Variants in STK32B observed in about 807,000 individuals in gnomAD.
STK32B encodes serine/threonine kinase 32B, also known as serine/threonine-protein kinase 32B.
STK32B carries 43 observed loss-of-function variants against 52.6 expected under a neutral mutation model. The observed-to-expected ratio is 0.82, with a 90% CI of 0.64 to 1.05. STK32B has a LOEUF of 1.05. Among genes scored for constraint, STK32B ranks in the 50% least tolerant of loss-of-function variants. STK32B has a pLI of 0.00. For missense variants in STK32B, 621 were observed against 534.6 expected (o/e 1.16, Z -1.59); for synonymous variants, 238 against 204.3 (o/e 1.17, Z -1.41).
intron 3 of STK32B, among the ~76,000 whole-genome samples, chr4:5,282,076 C>T (rs1399654766): frequency 6.6e-6 from 1 of 152,020 alleles, no homozygotes; most frequent in Non-Finnish European, 1.5e-5. Flanking sequence ...ACTAACATAT[C>T]CATCACCTCA....
At position 5,399,290 on chromosome 4, in the gene STK32B, G is replaced by T. The variant is rs115095710; in HGVS notation, c.472+1046G>T. 6.6e-6 allele frequency among the ~76,000 whole-genome samples: 1 copy of T among 152,068 alleles called. No individual in the cohort carries two copies. Among genetic ancestry groups the T allele is most frequent in the Non-Finnish European group, 1.5e-5 (1 of 68,012 alleles). Reference sequence around the variant, plus strand: ...GGGATGAATGAGTCACATTTTCTACGCAGCTCCCCCACCCTCCTTCCCCAC... The same window carrying T: ...GGGATGAATGAGTCACATTTTCTACTCAGCTCCCCCACCCTCCTTCCCCAC... On this transcript the variant is annotated intron_variant, in intron 5 of 11. Transcript: ENST00000282908. The surrounding 1 kb of genome is among the most constrained non-coding windows in gnomAD (Gnocchi z 5.4).
chr4:5,060,545 A>C (rs181083492), intron 1 of STK32B, among the ~76,000 whole-genome samples: 1 of 151,866 alleles, frequency 6.6e-6, no homozygotes. Context: ...GGTTTAATTT[A>C]CTGTTCTTTT....
chr4:5,080,247 C>T (rs1712335328), intron 1 of STK32B, among the ~76,000 whole-genome samples: 1 of 152,164 alleles, frequency 6.6e-6, no homozygotes, highest in African/African-American at 2.4e-5. Flanking sequence ...CTCTCAGACA[C>T]CATCGTCTTC....
At chr4:5,073,955 C>G (rs1003766595) in intron 1 of STK32B, among the ~76,000 whole-genome samples, 1 of 151,458 alleles carries the variant, frequency 6.6e-6, no homozygotes, top group Non-Finnish European at 1.5e-5. Flanking sequence ...TCCTTTTATT[C>G]TTCTTAGGGT....
intron 6 of STK32B, among the ~76,000 whole-genome samples, chr4:5,440,192 G>C (rs1052558109): frequency 2.0e-5 from 3 of 152,088 alleles, no homozygotes; most frequent in African/African-American, 4.8e-5. Flanking sequence ...AACTACCTTG[G>C]GCAGTATGGC....
At chr4:5,072,855 A>C (rs1288481646) in intron 1 of STK32B, among the ~76,000 whole-genome samples, 1 of 152,064 alleles carries the variant, frequency 6.6e-6, no homozygotes, top group African/African-American at 2.4e-5. Context: ...ATTATATTTA[A>C]TTTTGTCAGT....
At chr4:5,474,788 T>A (rs573690984) in intron 11 of STK32B, among the ~76,000 whole-genome samples, 2 of 152,330 alleles carry the variant, frequency 1.3e-5, no homozygotes, top group African/African-American at 4.8e-5. Context: ...TCCGTAGGTA[T>A]TTTTATTCCC....
At chr4:5,028,904 C>T in the STK32B span, among the ~76,000 whole-genome samples, 3 of 152,198 alleles carry the variant, frequency 2.0e-5, no homozygotes, top group Non-Finnish European at 4.4e-5. Context: ...GCCATCTGCT[C>T]AGCCTCAGGA....
intron 6 of STK32B, among the ~76,000 whole-genome samples, chr4:5,424,012 C>G (rs1356501056): frequency 6.6e-6 from 1 of 152,114 alleles, no homozygotes; most frequent in Non-Finnish European, 1.5e-5. Context: ...CCACTCCCCC[C>G]GTAGGCTCAG....
intron 1 of STK32B, chr4:5,126,984 C>G: frequency 2.3e-6 from 1 of 426,040 alleles, no homozygotes; most frequent in Non-Finnish European, 4.8e-6. Context: ...CTGTCTATTC[C>G]CTCTCCTTTT....
At chr4:5,416,712 A>G (rs1577468014) in intron 5 of STK32B, 133 bp from the exon 6 acceptor site, 2 of 623,156 alleles carry the variant, frequency 3.2e-6, no homozygotes, top group Non-Finnish European at 5.4e-6. Flanking sequence ...TTTTTAAAGT[A>G]TCAGATACGA....
chr4:5,244,397 G>A (rs904004485), intron 3 of STK32B, among the ~76,000 whole-genome samples: 1 of 152,142 alleles, frequency 6.6e-6, no homozygotes, highest in African/African-American at 2.4e-5. Context: ...ATGGTAGTTT[G>A]TATTTCTGTG....
At chr4:5,021,936 G>A in the STK32B span, among the ~76,000 whole-genome samples, 2 of 152,068 alleles carry the variant, frequency 1.3e-5, no homozygotes, top group Non-Finnish European at 2.9e-5. Flanking sequence ...CAAGAGAATC[G>A]CCACCTCTCA....
chr4:5,311,930 T>C (rs187198511), intron 3 of STK32B, among the ~76,000 whole-genome samples: 1 of 148,458 alleles, frequency 6.7e-6, no homozygotes, highest in Admixed American at 6.7e-5. Flanking sequence ...TTTTAAAGTT[T>C]ATTCTTATTT....
intron 3 of STK32B, among the ~76,000 whole-genome samples, chr4:5,181,501 C>T (rs1376464504): frequency 6.6e-6 from 1 of 152,106 alleles, no homozygotes; most frequent in Admixed American, 6.5e-5. Context: ...TGTATGGTAA[C>T]CTAAGGTGAC....
intron 6 of STK32B, among the ~76,000 whole-genome samples, chr4:5,420,287 T>G (rs1712512803): frequency 6.6e-6 from 1 of 152,182 alleles, no homozygotes; most frequent in Admixed American, 6.5e-5. Flanking sequence ...ATAAGTAGTC[T>G]TCATGGGAGC....
At chr4:5,104,110 AC>A (rs1039868953) in intron 1 of STK32B, among the ~76,000 whole-genome samples, 8 of 152,058 alleles carry the variant, frequency 5.3e-5, no homozygotes, top group African/African-American at 1.9e-4. Context: ...CTGTGTCCCC[AC>A]CCAAATTTCA....
chr4:5,452,201 C>G (rs1167124029), intron 7 of STK32B, among the ~76,000 whole-genome samples: 1 of 152,186 alleles, frequency 6.6e-6, no homozygotes, highest in Non-Finnish European at 1.5e-5. Flanking sequence ...TGGTGTTAGC[C>G]TTGCCTTTGA....
Position 5,156,301 on chromosome 4 carries a change from A to G in STK32B, c.109-11998A>G, listed in dbSNP as rs1258572945. ...ATGAATATTATATAAATAAATAAAT[A>G]TAAATGAATGAAGAACTTAACAATT... On this transcript the variant is annotated intron_variant, in intron 2 of 11. Transcript: ENST00000282908. Among the ~76,000 whole-genome samples the G allele has an allele frequency of 3.9e-5, 6 of 152,216 alleles. No individual in the cohort carries two copies. The East Asian group carries it at 9.6e-4, about 24-fold the overall frequency.
Sources: allele counts gnomAD v4.1 joint callset (sites outside exome capture counted in the v4.1 genomes callset), GRCh38; gene constraint gnomAD v4.1.1; non-coding constraint Gnocchi (gnomAD v3.1); transcripts MANE v1.5; gene names NCBI Gene and HGNC (gene_info 2026-07-23, HGNC 2026-07-21).